GPC3: variants seen among roughly 807,000 people sequenced by gnomAD.
GPC3 encodes glypican 3, also known as glypican-3.
Under a neutral mutation model 34.4 loss-of-function variants are expected in GPC3, and 3 were observed. That is an observed-to-expected ratio of 0.09 (90% confidence interval 0.04 to 0.23). The LOEUF (loss-of-function observed/expected upper bound fraction) is 0.23, where lower values mean the gene tolerates loss of function less well. Ranked by LOEUF, GPC3 falls within the 10% of genes least tolerant of loss-of-function variation. The probability of loss-of-function intolerance (pLI) is 1.00; values close to 1 mark genes in which losing one functional copy is unlikely to be tolerated. For synonymous variants in GPC3, 177 were observed against 174.0 expected (o/e 1.02, Z -0.13); for missense variants, 351 against 445.6 (o/e 0.79, Z 1.91).
At chrX:133,579,257 G>A (rs932728172) in intron 7 of GPC3, among the ~76,000 whole-genome samples, 45 of 112,224 alleles carry the variant, frequency 4.0e-4, no homozygotes, top group African/African-American at 1.5e-3. Context: ...TGCTTTAACC[G>A]CTTTACATTA....
At position 133,561,427 on chromosome X, in the gene GPC3, A is replaced by G. The variant is rs374179144; in HGVS notation, c.1574-25134T>C. ...TTTGTCCACTAAAATAATGTAAGGA[A>G]CTCAGAATGAAAAGAGATTAGCTGT... is the stretch of plus-strand genomic sequence containing the variant. On this transcript the variant is annotated intron_variant, in intron 7 of 7. Transcript: ENST00000370818. Among the ~76,000 whole-genome samples, 3 of 112,278 alleles carry G rather than the reference A, an allele frequency of 2.7e-5. No individual in the cohort carries two copies. In the East Asian group the frequency reaches 8.4e-4, roughly 32 times the overall value.
At position 133,985,517 on chromosome X, in the gene GPC3, G is replaced by C; in HGVS notation, c.-68C>G. On this transcript the variant is annotated 5_prime_UTR_variant, in exon 1 of 8. Coordinates refer to ENST00000370818, the MANE Select transcript of GPC3 (RefSeq NM_004484.4). ...CGGAGCGAGAGCAGTCCCAGGACTC[G>C]GCAAGCCTGGCAGTGGCCCTGAGGA... is the stretch of plus-strand genomic sequence containing the variant. 1 of 1,025,580 alleles carries C rather than the reference G, an allele frequency of 9.8e-7. No homozygotes were observed. The highest frequency in any genetic ancestry group is 3.3e-5 in the East Asian group (1 of 30,108). 84.5% of individuals were successfully genotyped at this position (1,025,580 alleles called of 1,213,427 possible).
At position 133,703,909 on chromosome X, in the gene GPC3, GGAA is replaced by G. The variant is rs199930274; in HGVS notation, c.1033-3884_1033-3882del. Among the ~76,000 whole-genome samples, 1,498 of 112,417 alleles carry G rather than the reference GGAA, an allele frequency of 0.013. 26 individuals are homozygous for G. The highest frequency in any genetic ancestry group is 0.046 in the African/African-American group (1,413 of 30,943). On this transcript the variant is annotated intron_variant, in intron 3 of 7. Coordinates refer to ENST00000370818, the MANE Select transcript of GPC3 (RefSeq NM_004484.4). ...TCTTTTGGCTTCCCTGGGCCACATT[GGAA>G]GAAGAAGAATTGTCTTGGGCCACAC...
At chrX:133,601,352 G>A (rs1440354259) in intron 6 of GPC3, among the ~76,000 whole-genome samples, 1 of 111,789 alleles carries the variant, frequency 8.9e-6, no homozygotes, top group African/African-American at 3.2e-5. Context: ...CTTGCATTTG[G>A]GAAGCAGATT....
intron 6 of GPC3, among the ~76,000 whole-genome samples, chrX:133,605,233 G>GAC (rs2070035948): frequency 9.0e-6 from 1 of 111,014 alleles, no homozygotes; most frequent in African/African-American, 3.3e-5. Flanking sequence ...GACCAGCATG[G>GAC]ATGTGAATCC....
intron 3 of GPC3, among the ~76,000 whole-genome samples, chrX:133,739,088 G>C (rs1463496707): frequency 1.8e-5 from 2 of 111,021 alleles, no homozygotes; most frequent in Non-Finnish European, 3.8e-5. Flanking sequence ...AGGTAGGTAT[G>C]TATAGGGAAA....
chrX:133,712,190 G>A (rs1468555965), intron 3 of GPC3, among the ~76,000 whole-genome samples: 1 of 111,982 alleles, frequency 8.9e-6, no homozygotes, highest in African/African-American at 3.2e-5. Context: ...ATAAAAACAT[G>A]TCAAAACAAC....
intron 6 of GPC3, among the ~76,000 whole-genome samples, chrX:133,609,774 T>A (rs1464383712): frequency 8.9e-6 from 1 of 112,474 alleles, no homozygotes; most frequent in African/African-American, 3.2e-5. Flanking sequence ...CTACTTAATA[T>A]TGGCCTAAAC....
intron 2 of GPC3, among the ~76,000 whole-genome samples, chrX:133,818,658 A>G (rs1263811282): frequency 8.9e-6 from 1 of 111,875 alleles, no homozygotes; most frequent in Admixed American, 9.5e-5. Flanking sequence ...ATGTGTTATA[A>G]TAAGCTAAAA....
intron 2 of GPC3, among the ~76,000 whole-genome samples, chrX:133,915,103 T>C (rs1203816766): frequency 9.2e-6 from 1 of 108,148 alleles, no homozygotes; most frequent in Non-Finnish European, 1.9e-5. Context: ...ATCATAATAT[T>C]CCATTGTATG....
At chrX:133,564,015 G>A (rs1681609383) in intron 7 of GPC3, among the ~76,000 whole-genome samples, 1 of 110,692 alleles carries the variant, frequency 9.0e-6, no homozygotes, top group Non-Finnish European at 1.9e-5. Flanking sequence ...GGGGTCCTAG[G>A]ATCAAGTCTG....
At chrX:133,980,031 C>G (rs1370502335) in intron 1 of GPC3, among the ~76,000 whole-genome samples, 2 of 111,843 alleles carry the variant, frequency 1.8e-5, no homozygotes, top group African/African-American at 6.5e-5. Context: ...TAGCTCAACT[C>G]CCAAATATGG....
At chrX:133,686,085 T>C (rs1230115710) in intron 5 of GPC3, among the ~76,000 whole-genome samples, 4 of 111,627 alleles carry the variant, frequency 3.6e-5, no homozygotes, top group Middle Eastern at 4.2e-3. Flanking sequence ...CTATGCAGAG[T>C]TGATAAGCCT....
intron 6 of GPC3, among the ~76,000 whole-genome samples, chrX:133,634,101 G>A (rs1282378207): frequency 1.8e-5 from 2 of 111,458 alleles, no homozygotes; most frequent in East Asian, 5.6e-4. Context: ...CACTTGCTAG[G>A]GAAATGCAAA....
At chrX:133,639,366 G>T (rs1022861910) in intron 6 of GPC3, among the ~76,000 whole-genome samples, 1 of 111,967 alleles carries the variant, frequency 8.9e-6, no homozygotes, top group Non-Finnish European at 1.9e-5. Flanking sequence ...CTTCTATGAG[G>T]CCAAAGGCTT....
At chrX:133,817,028 T>C (rs950675641) in intron 2 of GPC3, among the ~76,000 whole-genome samples, 4 of 112,103 alleles carry the variant, frequency 3.6e-5, no homozygotes, top group South Asian at 3.8e-4. Flanking sequence ...ACCCCGAAAG[T>C]TGACATGTCT....
chrX:133,647,335 T>C lies in GPC3; in HGVS notation c.1413+14395A>G, dbSNP rs746148574. Among the ~76,000 whole-genome samples the C allele has an allele frequency of 5.3e-5, 6 of 112,502 alleles. No individual in the cohort carries two copies. The South Asian group carries it at 2.3e-3, about 43-fold the overall frequency. On this transcript the variant is annotated intron_variant, in intron 6 of 7. Coordinates refer to ENST00000370818, the MANE Select transcript of GPC3 (RefSeq NM_004484.4). ...AGGCAAGGTTAGCCTAACCGAGACA[T>C]CCGCTCTGTCTTCTCAGCATCTGCT... is the stretch of plus-strand genomic sequence containing the variant.
At chrX:133,663,332 C>T (rs2070741353) in intron 5 of GPC3, among the ~76,000 whole-genome samples, 1 of 111,603 alleles carries the variant, frequency 9.0e-6, no homozygotes, top group African/African-American at 3.2e-5. Context: ...GCCATGTTGG[C>T]CAGGCTGGTC....
chrX:133,985,202 G>GCTC, intron 1 of GPC3, 73 bp downstream of exon 1: 2 of 1,105,618 alleles, frequency 1.8e-6, no homozygotes, highest in Non-Finnish European at 1.2e-6. Flanking sequence ...GGGCTAGCGC[G>GCTC]CTCAGGGTAC....
Sources: allele counts gnomAD v4.1 joint callset (sites outside exome capture counted in the v4.1 genomes callset), GRCh38; gene constraint gnomAD v4.1.1; transcripts MANE v1.5; gene names NCBI Gene and HGNC (gene_info 2026-07-23, HGNC 2026-07-21).